Variants in ZBTB17 observed in about 807,000 individuals in gnomAD.
The protein encoded by ZBTB17 is zinc finger and BTB domain-containing protein 17.
ZBTB17 carries 24 observed loss-of-function variants against 85.1 expected under a neutral mutation model. The ratio of observed to expected loss-of-function variants is 0.28; its 90% CI spans 0.20 to 0.40. ZBTB17 has a LOEUF of 0.40. ZBTB17 is among the 10% of genes least tolerant of loss of function. ZBTB17 has a pLI of 1.00. For missense variants in ZBTB17, 743 were observed against 1,105.1 expected, an observed-to-expected ratio of 0.67 and a Z score of 4.65; for synonymous variants, 464 against 460.2, an observed-to-expected ratio of 1.01 and a Z score of -0.11.
At chr1:15,942,901 T>G in intron 13 of ZBTB17, 163 bp from the exon 14 acceptor site, 1 of 1,337,470 alleles carries the variant, frequency 7.5e-7, no homozygotes, top group Non-Finnish European at 1.0e-6. Flanking sequence ...CTCTGGAAGC[T>G]CTAGGAAAAT....
At chr1:15,943,945 G>T in intron 9 of ZBTB17, 50 bp from the exon 10 acceptor site, 1 of 1,527,180 alleles carries the variant, frequency 6.5e-7, no homozygotes, top group Non-Finnish European at 8.9e-7. Flanking sequence ...CTCGGCCCCG[G>T]GCCCCCTCAC....
chr1:15,945,137 C>T lies in ZBTB17; in HGVS notation c.727G>A (p.Glu243Lys), dbSNP rs2071542234. The change falls in exon 7 of 16, where the codon GAG (glutamate) becomes AAG (lysine). Residue 243 changes from glutamate to lysine, a missense_variant. Physicochemically the swap from Glu to Lys is moderately conservative, Grantham distance 56. This residue lies in a region of ZBTB17 where 279 missense variants were observed against 269.9 expected (regional missense o/e 1.03). Coordinates refer to ENST00000375743, the MANE Select transcript of ZBTB17 (RefSeq NM_003443.3). ...TTGACCTCAGCTGGCCCTGCGCCCT[C>T]CTCCTCTTGCTCCTCTTGCTCCTTT... ...EQKEQEEQEE[E>K]GAGPAEVKEE... 6.3e-7 allele frequency: 1 copy of T among 1,597,300 alleles called. No homozygotes were observed. The highest frequency in any genetic ancestry group is 1.3e-5 in the African/African-American group (1 of 74,790).
intron 2 of ZBTB17, among the ~76,000 whole-genome samples, chr1:15,960,063 C>T (rs995439053): frequency 6.6e-6 from 1 of 152,244 alleles, no homozygotes; most frequent in Non-Finnish European, 1.5e-5. Context: ...GAGGAAGCCC[C>T]CTGACACTGC....
chr1:15,959,121 C>T (rs973769861), intron 2 of ZBTB17, among the ~76,000 whole-genome samples: 1 of 152,316 alleles, frequency 6.6e-6, no homozygotes, highest in South Asian at 2.1e-4. Context: ...GAACCAGTGG[C>T]CTTCCCACTA....
chr1:15,974,061 C>T (rs2072767623), intron 1 of ZBTB17, among the ~76,000 whole-genome samples: 1 of 151,966 alleles, frequency 6.6e-6, no homozygotes, highest in Non-Finnish European at 1.5e-5. Flanking sequence ...TGTTATGGTG[C>T]ACGCCTGTAG....
rs1236400126 is a variant in ZBTB17, at chr1:15,942,079, C to A, written c.2302G>T (p.Val768Leu). 1 of 1,613,142 alleles carries A rather than the reference C, an allele frequency of 6.2e-7. No individual in the cohort carries two copies. The highest frequency in any genetic ancestry group is 8.5e-7 in the Non-Finnish European group (1 of 1,180,034). Residue 768 changes from valine to leucine, a missense_variant, in exon 16 of 16, where the codon GTG becomes TTG. By Grantham distance (32) the Val-to-Leu change is conservative. This residue lies in a region of ZBTB17 where 69 missense variants were observed against 77.0 expected (regional missense o/e 0.90). Coordinates refer to ENST00000375743, the MANE Select transcript of ZBTB17 (RefSeq NM_003443.3). Reference sequence around the variant, plus strand: ...AAGACCAGCTCCCCAGCCTGCAGCACCTGCCCGGCAGGCCACGTGCCACCT... The same window carrying A: ...AAGACCAGCTCCCCAGCCTGCAGCAACTGCCCGGCAGGCCACGTGCCACCT... The part of the protein sequence containing the change: ...GPGGTWPAGQ[V>L]LQAGELVFRP...
In ZBTB17 at chr1:15,967,862, T is replaced by C. The variant is rs533694746; in HGVS notation, c.-3+5177A>G. Among the ~76,000 whole-genome samples the C allele has an allele frequency of 1.2e-4, 18 of 152,358 alleles. No individual in the cohort carries two copies. The South Asian group carries it at 3.7e-3, about 32-fold the overall frequency. On this transcript the variant is annotated intron_variant, in intron 2 of 15. Transcript: ENST00000375743. ...CCCAAGGGCATACAGCTAGTAATTA[T>C]AAGAAGCAAACATAAGCCCACATAC...
rs1037942403 is a variant in ZBTB17, at chr1:15,965,313, G to C, written c.-3+7726C>G. ...AATAGAAAAATGAGCAAGACAATCT[G>C]TTGTTTCCGAGAAGATGAAATCTGA... On this transcript the variant is annotated intron_variant, in intron 2 of 15. Coordinates refer to ENST00000375743, the MANE Select transcript of ZBTB17 (RefSeq NM_003443.3). Among the ~76,000 whole-genome samples, 3 of 152,042 alleles carry C rather than the reference G, an allele frequency of 2.0e-5. No individual in the cohort carries two copies. In the East Asian group the frequency reaches 5.8e-4, roughly 29 times the overall value.
chr1:15,963,597 G>A (rs2072334303), intron 2 of ZBTB17, among the ~76,000 whole-genome samples: 1 of 152,196 alleles, frequency 6.6e-6, no homozygotes, highest in Non-Finnish European at 1.5e-5. Flanking sequence ...GTGCTGAACA[G>A]AGGAGGGAAA....
Position 15,945,086 on chromosome 1 carries a change from C to G in ZBTB17, c.778G>C (p.Gly260Arg). Residue 260 changes from glycine to arginine, a missense_variant, in exon 7 of 16, where the codon GGA (glycine) becomes CGA (arginine). Gly to Arg is a moderately radical substitution (Grantham distance 125). Coordinates refer to ENST00000375743, the MANE Select transcript of ZBTB17 (RefSeq NM_003443.3). ...TTCTCGTTCTCCTCGGGGGCCTCTC[C>G]GTTCTCCAGCTGGGAACCCTCCTCC... is the stretch of plus-strand genomic sequence containing the variant. ...VKEEGSQLENGEAPEENENEE... is the reference protein window; with the variant it reads ...VKEEGSQLENREAPEENENEE... 2 of 1,611,538 alleles carry G rather than the reference C, an allele frequency of 1.2e-6. No individual in the cohort carries two copies. The highest frequency in any genetic ancestry group is 1.1e-5 in the South Asian group (1 of 90,186).
chr1:15,956,417 C>CA (rs2148788173), intron 2 of ZBTB17, among the ~76,000 whole-genome samples: 1 of 152,346 alleles, frequency 6.6e-6, no homozygotes, highest in Admixed American at 6.5e-5. Flanking sequence ...GAATGACTAA[C>CA]ACAATGTCAA....
Position 15,944,598 on chromosome 1 carries a change from G to A in ZBTB17, c.1073C>T (p.Pro358Leu), listed in dbSNP as rs1256295692. 1 of 1,599,472 alleles carries A rather than the reference G, an allele frequency of 6.3e-7. No homozygotes were observed. Among genetic ancestry groups the A allele is most frequent in the East Asian group, 2.2e-5 (1 of 44,844 alleles). ...CTCCTCGCAGCCGTAGGGCTTCAGAGGGCTGCAGGGCCAGAAGGCGACAGG... is the reference window on the plus strand; with the variant it reads ...CTCCTCGCAGCCGTAGGGCTTCAGAAGGCTGCAGGGCCAGAAGGCGACAGG... ...ACKAHEKTHS[P>L]LKPYGCEECG... The change falls in exon 9 of 16, where the codon CCT becomes CTT. Residue 358 changes from proline (P) to leucine (L), a missense_variant and splice_region_variant. By Grantham distance (98) the Pro-to-Leu change is moderately conservative (BLOSUM62 -3). This residue lies in a region of ZBTB17 where 321 missense variants were observed against 615.7 expected (regional missense o/e 0.52). Transcript: ENST00000375743.
chr1:15,942,584 G>A lies in ZBTB17; in HGVS notation c.1983C>T (p.Asp661=). The A allele has an allele frequency of 1.2e-6, 2 of 1,612,882 alleles. No individual in the cohort carries two copies. The highest frequency in any genetic ancestry group is 4.5e-5 in the East Asian group (2 of 44,894). The part of the protein sequence containing the change: ...GSEVSVVTVD[D]MVTLATEALA... ...GTGCCTCGGTAGCCAGCGTGACCATGTCATCCACAGTGACCACGCTGACCT... is the reference window on the plus strand; with the variant it reads ...GTGCCTCGGTAGCCAGCGTGACCATATCATCCACAGTGACCACGCTGACCT... The change falls in exon 14 of 16, where the codon GAC becomes GAT. Residue 661 remains aspartate (D), a synonymous_variant. Transcript: ENST00000375743.
At chr1:15,967,648 G>C (rs1454403561) in intron 2 of ZBTB17, among the ~76,000 whole-genome samples, 2 of 152,060 alleles carry the variant, frequency 1.3e-5, no homozygotes, top group Non-Finnish European at 1.5e-5. Flanking sequence ...CCTAAACTCT[G>C]CATATTTTCT....
intron 2 of ZBTB17, among the ~76,000 whole-genome samples, chr1:15,968,858 G>A (rs1207613490): frequency 6.6e-6 from 1 of 152,198 alleles, no homozygotes; most frequent in Non-Finnish European, 1.5e-5. Flanking sequence ...CTGGCCTCCA[G>A]CTTCCAACCA....
chr1:15,948,007 ACT>A (rs2071684088), intron 3 of ZBTB17: 1 of 502,474 alleles, frequency 2.0e-6, no homozygotes, highest in African/African-American at 1.9e-5. Context: ...GAGCCTGCCT[ACT>A]CTCTGCCCCT....
intron 3 of ZBTB17, 167 bp downstream of exon 3, chr1:15,948,124 A>G (rs2071689605): frequency 2.5e-6 from 2 of 793,402 alleles, no homozygotes; most frequent in Non-Finnish European, 4.2e-6. Context: ...CAGGCCCCCA[A>G]AAGGTGGGAG....
At position 15,945,824 on chromosome 1, in the gene ZBTB17, C is replaced by A; in HGVS notation, c.552G>T (p.Glu184Asp). The A allele has an allele frequency of 1.3e-6, 2 of 1,598,702 alleles. No homozygotes were observed. Among genetic ancestry groups the A allele is most frequent in the Non-Finnish European group, 1.7e-6 (2 of 1,177,130 alleles). The change falls in exon 6 of 16, where the codon GAG becomes GAT. Residue 184 changes from glutamate (E) to aspartate (D), a missense_variant. Physicochemically the swap from Glu to Asp is conservative, Grantham distance 45 (BLOSUM62 2). Around this residue, in one of 4 missense-constraint regions of ZBTB17, gnomAD observed 279 missense variants for 269.9 expected, o/e 1.03. Coordinates refer to ENST00000375743, the MANE Select transcript of ZBTB17 (RefSeq NM_003443.3). ...GCGGCTCCCGGGGCGCATCGGCTTT[C>A]TCTGTCTGCTCTGCACCTGGGTGGG... ...QSAASGAEQT[E>D]KADAPREPPP... is the part of the protein sequence containing the mutation.
intron 2 of ZBTB17, among the ~76,000 whole-genome samples, chr1:15,968,770 C>A (rs2148812747): frequency 1.3e-5 from 2 of 152,348 alleles, no homozygotes; most frequent in Middle Eastern, 6.8e-3. Context: ...CATGCACAAC[C>A]TGGATAGCCC....
Sources: gnomAD v4.1 joint callset for allele counts (sites outside exome capture counted in the v4.1 genomes callset) on GRCh38, gnomAD v4.1.1 for gene constraint, gnomAD v4.1.1 regional missense constraint, MANE v1.5 for transcripts, NCBI Gene and HGNC (gene_info 2026-07-23, HGNC 2026-07-21) for gene names.